The following SPICE1 variants were observed in gnomAD, a reference collection of about 807,000 sequenced individuals.
SPICE1 encodes the protein spindle and centriole associated protein 1.
SPICE1 carries 75 observed loss-of-function variants against 102.7 expected under a neutral mutation model. The observed-to-expected ratio is 0.73, with a 90% CI of 0.61 to 0.88. SPICE1 has a LOEUF of 0.88. Ranked by LOEUF, SPICE1 falls within the 40% of genes least tolerant of loss-of-function variation. The probability of loss-of-function intolerance (pLI) is 0.00; values close to 1 mark genes in which losing one functional copy is unlikely to be tolerated. For synonymous variants in SPICE1, 308 were observed against 350.3 expected, an observed-to-expected ratio of 0.88 and a Z score of 1.35; for missense variants, 979 against 1,020.1, an observed-to-expected ratio of 0.96 and a Z score of 0.55.
chr3:113,458,359 C>A (rs1025719770), intron 12 of SPICE1, among the ~76,000 whole-genome samples: 45 of 152,284 alleles, frequency 3.0e-4, no homozygotes, highest in Non-Finnish European at 4.0e-4. Flanking sequence ...ATTGCAGGCA[C>A]GCGCCACCAC....
chr3:113,494,571 C>T, intron 4 of SPICE1, among the ~76,000 whole-genome samples: 1 of 150,438 alleles, frequency 6.6e-6, no homozygotes, highest in Non-Finnish European at 1.5e-5. Context: ...GGCGTGAACC[C>T]GGGAGGCGGA....
Position 113,457,285 on chromosome 3 carries a change from T to C in SPICE1, c.1508A>G (p.Glu503Gly), listed in dbSNP as rs1480628363. The C allele has an allele frequency of 6.2e-7, 1 of 1,614,174 alleles. No homozygotes were observed. Among genetic ancestry groups the C allele is most frequent in the Non-Finnish European group, 8.5e-7 (1 of 1,180,030 alleles). ...FREEVAEFPQ[E>G]ELPVKLSQVP... ...CTGAGACAGTTTAACGGGCAACTCT[T>C]CCTGTGGGAATTCAGCCACTTCCTC... is the stretch of plus-strand genomic sequence containing the variant. The change falls in exon 13 of 18, where the codon GAA becomes GGA. Residue 503 changes from glutamate to glycine, a missense_variant. Physicochemically the swap from Glu to Gly is moderately conservative, Grantham distance 98 (BLOSUM62 -2). Transcript: ENST00000295872.
intron 4 of SPICE1, among the ~76,000 whole-genome samples, chr3:113,496,592 T>G (rs1180227532): frequency 2.0e-5 from 3 of 152,230 alleles, no homozygotes; most frequent in Non-Finnish European, 4.4e-5. Context: ...CTAATTTGCT[T>G]GATTCCCATG....
At chr3:113,494,564 G>T (rs1457408481) in intron 4 of SPICE1, among the ~76,000 whole-genome samples, 1 of 151,162 alleles carries the variant, frequency 6.6e-6, no homozygotes, top group African/African-American at 2.4e-5. Flanking sequence ...GGAGAATGGC[G>T]TGAACCCGGG....
intron 1 of SPICE1, among the ~76,000 whole-genome samples, chr3:113,508,359 T>A (rs2107509198): frequency 6.6e-6 from 1 of 152,256 alleles, no homozygotes. Flanking sequence ...GGAGAAAGTA[T>A]CTGCAAATCC....
rs1427042964 is a variant in SPICE1 at position 113,448,075 on chromosome 3, T to C, written c.2389A>G (p.Ser797Gly). Reference protein sequence around the residue: ...GAEAPESSKCSTVSPVSGINT... With the variant: ...GAEAPESSKCGTVSPVSGINT... The stretch of plus-strand genomic sequence containing the variant: ...ATCCCGCTGACGGGAGAGACAGTAC[T>C]ACATTTTGAGCTTTCTGGGGCTTCT... The change falls in exon 16 of 18, where the codon AGT (serine) becomes GGT (glycine). Residue 797 changes from serine to glycine, a missense_variant. Physicochemically the swap from Ser to Gly is moderately conservative, Grantham distance 56. Transcript: ENST00000295872. 3 of 1,612,282 alleles carry C rather than the reference T, an allele frequency of 1.9e-6. No individual in the cohort carries two copies. The African/African-American group carries it at 4.0e-5, about 22-fold the overall frequency.
At chr3:113,505,869 T>A (rs1360343121) in intron 2 of SPICE1, among the ~76,000 whole-genome samples, 3 of 152,004 alleles carry the variant, frequency 2.0e-5, no homozygotes, top group Non-Finnish European at 4.4e-5. Context: ...TGGCATCACA[T>A]CACTCCAGCC....
At position 113,453,521 on chromosome 3, in the gene SPICE1, T is replaced by G. The variant is rs1935706417; in HGVS notation, c.2087A>C (p.Gln696Pro). 6.2e-7 allele frequency: 1 copy of G among 1,613,998 alleles called. No homozygotes were observed. Among genetic ancestry groups the G allele is most frequent in the South Asian group, 1.1e-5 (1 of 91,080 alleles). The change falls in exon 14 of 18, where the codon CAA (glutamine) becomes CCA (proline). Residue 696 changes from glutamine (Q) to proline (P), a missense_variant. Physicochemically the swap from Gln to Pro is moderately conservative, Grantham distance 76. Coordinates refer to ENST00000295872, the MANE Select transcript of SPICE1 (RefSeq NM_144718.4). ...GTTCAACTCCCGGAGTCCATCCCCT[T>G]GCTCTCCTCTGGGCTCAATAATATT... ...MNNIIEPRGE[Q>P]GDGLRELNKQ... is the part of the protein sequence containing the mutation.
At chr3:113,480,912 T>TAAAGAAAGAAAGAAAGAAACAAAG in intron 7 of SPICE1, among the ~76,000 whole-genome samples, 1 of 106,504 alleles carries the variant, frequency 9.4e-6, no homozygotes, top group South Asian at 3.0e-4. Context: ...TTTAAAAATT[T>TAAAGAAAGAAAGAAAGAAACAAAG]AAAGAAAGAA....
intron 1 of SPICE1, 195 bp downstream of exon 1, chr3:113,514,702 A>G (rs1024669292): frequency 8.6e-7 from 1 of 1,161,126 alleles, no homozygotes; most frequent in African/African-American, 1.6e-5. Flanking sequence ...ATCGATTTAA[A>G]TGACGCTCCC....
rs1935909938 is a variant in SPICE1 at position 113,460,623 on chromosome 3, T to C, written c.1429A>G (p.Ser477Gly). ...SGATGRRVMDSPERPVVNANV... is the reference protein window; with the variant it reads ...SGATGRRVMDGPERPVVNANV... Reference sequence around the variant, plus strand: ...AGAGTAAGACCACACTCACCTGGACTGTCCATAACTCTTCTACCTGTGGCT... The same window carrying C: ...AGAGTAAGACCACACTCACCTGGACCGTCCATAACTCTTCTACCTGTGGCT... Residue 477 changes from serine (S) to glycine (G), a missense_variant, in exon 12 of 18, where the codon AGT becomes GGT. Physicochemically the swap from Ser to Gly is moderately conservative, Grantham distance 56. Coordinates refer to ENST00000295872, the MANE Select transcript of SPICE1 (RefSeq NM_144718.4). 1.2e-6 allele frequency: 2 copies of C among 1,610,360 alleles called. No individual in the cohort carries two copies. The highest frequency in any genetic ancestry group is 1.7e-6 in the Non-Finnish European group (2 of 1,178,288).
intron 12 of SPICE1, 124 bp downstream of exon 12, chr3:113,460,493 G>C: frequency 6.9e-7 from 1 of 1,438,978 alleles, no homozygotes; most frequent in East Asian, 2.4e-5. Flanking sequence ...CTGTAGTAGT[G>C]ACAATACTGT....
chr3:113,468,043 G>A, intron 10 of SPICE1, 96 bp downstream of exon 10: 8 of 1,471,268 alleles, frequency 5.4e-6, no homozygotes, highest in Non-Finnish European at 7.3e-6. Flanking sequence ...ATTCAAATTT[G>A]ACTGTACTTT....
chr3:113,492,538 A>G (rs1936787945), intron 6 of SPICE1, among the ~76,000 whole-genome samples: 2 of 152,184 alleles, frequency 1.3e-5, no homozygotes, highest in Non-Finnish European at 2.9e-5. Context: ...ATTCTCCCAT[A>G]TAACTAGTTG....
chr3:113,494,039 A>G lies in SPICE1; in HGVS notation c.385+10T>C. ...AATAAAATAGAGAAGCTTTTGTTTG[A>G]ATTGAATACCTGTGCGCCTACGAGG... On this transcript the variant is annotated intron_variant, in intron 5 of 17. Transcript: ENST00000295872. The G allele has an allele frequency of 6.3e-7, 1 of 1,582,812 alleles. No individual in the cohort carries two copies. Among genetic ancestry groups the G allele is most frequent in the Non-Finnish European group, 8.6e-7 (1 of 1,163,544 alleles).
At chr3:113,463,150 C>T (rs1191914397) in intron 11 of SPICE1, among the ~76,000 whole-genome samples, 2 of 152,188 alleles carry the variant, frequency 1.3e-5, no homozygotes, top group Admixed American at 6.5e-5. Context: ...CAGGCATGGC[C>T]CATCTCATTT....
At position 113,450,426 on chromosome 3, in the gene SPICE1, G is replaced by A. The variant is rs1403391551; in HGVS notation, c.2233C>T (p.Leu745=). The A allele has an allele frequency of 6.2e-7, 1 of 1,613,866 alleles. No individual in the cohort carries two copies. Among genetic ancestry groups the A allele is most frequent in the Admixed American group, 1.7e-5 (1 of 59,992 alleles). ...TTCTGCTGCTCTATCAACTGCAGTA[G>A]TTTTCCACGAGCCTCCATACTTTGT... is the stretch of plus-strand genomic sequence containing the variant. The part of the protein sequence containing the change: ...NRQSMEARGK[L]LQLIEQQKLV... Residue 745 remains leucine, a synonymous_variant, in exon 15 of 18, where the codon CTA becomes TTA. Transcript: ENST00000295872.
intron 13 of SPICE1, among the ~76,000 whole-genome samples, chr3:113,454,374 T>C (rs1417192853): frequency 6.6e-6 from 1 of 152,158 alleles, no homozygotes; most frequent in African/African-American, 2.4e-5. Flanking sequence ...AGAAAATGAC[T>C]GCCTTTAGGG....
chr3:113,491,544 G>A (rs1215436889), intron 6 of SPICE1, among the ~76,000 whole-genome samples: 1 of 143,924 alleles, frequency 6.9e-6, no homozygotes, highest in Non-Finnish European at 1.5e-5. Context: ...AGAATGGCGT[G>A]AATCCGGGAG....
Sources: gnomAD v4.1 joint callset for allele counts (sites outside exome capture counted in the v4.1 genomes callset) on GRCh38, gnomAD v4.1.1 for gene constraint, MANE v1.5 for transcripts, NCBI Gene and HGNC (gene_info 2026-07-23, HGNC 2026-07-21) for gene names.